Variants in EIPR1 observed in about 807,000 individuals in gnomAD.
EIPR1 encodes EARP complex and GARP complex interacting protein 1.
In EIPR1, 25 loss-of-function variants were observed where a neutral mutation model predicts 48.1. That is an observed-to-expected ratio of 0.52 (90% CI 0.38 to 0.73). EIPR1 has a LOEUF of 0.73. Among genes scored for constraint, EIPR1 ranks in the 30% least tolerant of loss-of-function variants. EIPR1 has a pLI of 0.00. For missense variants in EIPR1, 415 were observed against 506.2 expected, an observed-to-expected ratio of 0.82 and a Z score of 1.73; for synonymous variants, 204 against 201.9, an observed-to-expected ratio of 1.01 and a Z score of -0.09.
intron 4 of EIPR1, among the ~76,000 whole-genome samples, chr2:3,243,804 G>A (rs546919495): frequency 2.8e-4 from 43 of 152,240 alleles, no homozygotes; most frequent in Admixed American, 2.5e-3. Flanking sequence ...GCCACAACCC[G>A]GGCAAGCCTG....
chr2:3,291,654 G>A lies in EIPR1; in HGVS notation c.260-34199C>T, dbSNP rs139714994. On this transcript the variant is annotated intron_variant, in intron 3 of 8. Transcript: ENST00000382125. ...TTCAAGTGGTCTCTGGGGTGATGCC[G>A]TGAGGGAGTGTGGCTAAGAAACTCA... Among the ~76,000 whole-genome samples, 931 of 152,258 alleles carry A rather than the reference G, an allele frequency of 6.1e-3. 6 individuals carry two copies. The highest frequency in any genetic ancestry group is 0.02 in the African/African-American group (840 of 41,550).
chr2:3,235,253 C>T (rs531253675), intron 4 of EIPR1, among the ~76,000 whole-genome samples: 9 of 152,292 alleles, frequency 5.9e-5, no homozygotes, highest in Non-Finnish European at 7.4e-5. Flanking sequence ...AAGGTGACGC[C>T]GACATGGAGC....
chr2:3,249,031 C>A (rs59428636), intron 4 of EIPR1, among the ~76,000 whole-genome samples: 2,737 of 152,258 alleles, frequency 0.018, 79 homozygotes, highest in African/African-American at 0.063. Context: ...TGGACTAACA[C>A]ATTAAATAGG....
intron 3 of EIPR1, among the ~76,000 whole-genome samples, chr2:3,304,933 G>A (rs79020904): frequency 5.3e-4 from 69 of 130,960 alleles, no homozygotes; most frequent in Non-Finnish European, 5.8e-4. Context: ...CTCCAGTCCC[G>A]TCCAGTTCAG....
intron 4 of EIPR1, among the ~76,000 whole-genome samples, chr2:3,224,945 C>A (rs4854108): frequency 0.51 from 77,949 of 152,082 alleles, 20,471 homozygotes; most frequent in East Asian, 0.77. Context: ...GGCCATGAAG[C>A]CACATCAGGG....
intron 3 of EIPR1, among the ~76,000 whole-genome samples, chr2:3,294,729 T>C: frequency 9.2e-6 from 1 of 108,816 alleles, no homozygotes. Context: ...ACACCCTCCA[T>C]CCAGCCATCC....
intron 3 of EIPR1, among the ~76,000 whole-genome samples, chr2:3,317,556 G>C (rs1415323314): frequency 1.3e-5 from 2 of 152,228 alleles, no homozygotes; most frequent in Non-Finnish European, 2.9e-5. Context: ...CAGCTGTGAG[G>C]GTCGAGTCTA....
chr2:3,316,933 G>C (rs940180527), intron 3 of EIPR1, among the ~76,000 whole-genome samples: 1 of 152,286 alleles, frequency 6.6e-6, no homozygotes, highest in African/African-American at 2.4e-5. Flanking sequence ...CAGACGCACA[G>C]AAATAGTGCA....
chr2:3,343,746 G>A (rs1295770865), intron 2 of EIPR1, among the ~76,000 whole-genome samples: 1 of 152,188 alleles, frequency 6.6e-6, no homozygotes, highest in African/African-American at 2.4e-5. Context: ...AATGCTGTGT[G>A]GCCACAGCCC....
In EIPR1 at chr2:3,312,687, G is replaced by A. The variant is rs2103311048; in HGVS notation, c.259+25330C>T. Among the ~76,000 whole-genome samples the A allele has an allele frequency of 6.6e-6, 1 of 152,294 alleles. No individual in the cohort carries two copies. Among genetic ancestry groups the A allele is most frequent in the East Asian group, 1.9e-4 (1 of 5,176 alleles). On this transcript the variant is annotated intron_variant, in intron 3 of 8. Transcript: ENST00000382125. The surrounding 1 kb of genome is among the most constrained non-coding windows in gnomAD (Gnocchi z 5.5). ...CAGGGGATAACGGCGGGGTGGGGAA[G>A]AGCCTCCACTGGTCCCTTCAACGAG...
At chr2:3,350,768 C>T (rs1232063557) in intron 2 of EIPR1, among the ~76,000 whole-genome samples, 1 of 152,052 alleles carries the variant, frequency 6.6e-6, no homozygotes, top group Non-Finnish European at 1.5e-5. Flanking sequence ...CACACACAGA[C>T]AACTGCAGGC....
chr2:3,373,582 T>C (rs566341097), intron 1 of EIPR1, among the ~76,000 whole-genome samples: 281 of 151,906 alleles, frequency 1.8e-3, no homozygotes, highest in African/African-American at 6.0e-3. Context: ...TATACACCAA[T>C]AACAGACAAA....
intron 2 of EIPR1, among the ~76,000 whole-genome samples, chr2:3,349,636 C>T (rs769019925): frequency 6.7e-6 from 1 of 148,200 alleles, no homozygotes; most frequent in Non-Finnish European, 1.5e-5. Flanking sequence ...GGACAGGGAG[C>T]ATGCTGGGAG....
chr2:3,200,547 C>T (rs7585190), intron 5 of EIPR1, among the ~76,000 whole-genome samples: 139,078 of 152,120 alleles, frequency 0.91, 63,675 homozygotes, highest in East Asian at 0.98. Flanking sequence ...ATCCCACACA[C>T]GGACCAAGCA....
At chr2:3,336,896 AGGG>A (rs1361099309) in intron 3 of EIPR1, among the ~76,000 whole-genome samples, 2 of 86,308 alleles carry the variant, frequency 2.3e-5, no homozygotes, top group Non-Finnish European at 5.1e-5. Context: ...AGGGAAGGGA[AGGG>A]AAAAGGGAAG....
chr2:3,343,854 T>C (rs1417786531), intron 2 of EIPR1, among the ~76,000 whole-genome samples: 1 of 152,002 alleles, frequency 6.6e-6, no homozygotes, highest in African/African-American at 2.4e-5. Context: ...CATCGCACTG[T>C]CCATTTCATC....
intron 4 of EIPR1, among the ~76,000 whole-genome samples, chr2:3,218,801 C>T (rs560309618): frequency 6.6e-6 from 1 of 151,108 alleles, no homozygotes; most frequent in East Asian, 2.0e-4. Flanking sequence ...GGTGCACACC[C>T]AACACGGCCC....
chr2:3,277,722 G>A (rs949977062), intron 3 of EIPR1, among the ~76,000 whole-genome samples: 3 of 152,236 alleles, frequency 2.0e-5, no homozygotes, highest in African/African-American at 7.2e-5. Flanking sequence ...GCCTGCAGTC[G>A]GCCGTATCTC....
chr2:3,358,551 C>T (rs1418183984), intron 1 of EIPR1, among the ~76,000 whole-genome samples: 2 of 152,200 alleles, frequency 1.3e-5, no homozygotes, highest in African/African-American at 2.4e-5. Context: ...ATTCCTCTAC[C>T]CTCTGCTGCA....
Sources: allele counts gnomAD v4.1 joint callset (sites outside exome capture counted in the v4.1 genomes callset), GRCh38; gene constraint gnomAD v4.1.1; non-coding constraint Gnocchi (gnomAD v3.1); transcripts MANE v1.5; gene names NCBI Gene and HGNC (gene_info 2026-07-23, HGNC 2026-07-21).